The following KCNC2 variants were observed in gnomAD, a reference collection of about 807,000 sequenced individuals.
KCNC2 encodes the protein potassium voltage-gated channel subfamily C member 2, also known as voltage-gated potassium channel KCNC2.
KCNC2 carries 21 observed loss-of-function variants against 44.5 expected under a neutral mutation model. The ratio of observed to expected loss-of-function variants is 0.47; its 90% CI spans 0.33 to 0.68. The LOEUF (loss-of-function observed/expected upper bound fraction) is 0.68, where lower values mean the gene tolerates loss of function less well. Ranked by LOEUF, KCNC2 falls within the 30% of genes least tolerant of loss-of-function variation. KCNC2 has a pLI of 0.01. For synonymous variants in KCNC2, 391 were observed against 339.1 expected (o/e 1.15, Z -1.68); for missense variants, 589 against 826.2 (o/e 0.71, Z 3.52).
At chr12:75,183,887 A>G (rs56342118) in intron 2 of KCNC2, among the ~76,000 whole-genome samples, 11,798 of 152,124 alleles carry the variant, frequency 0.078, 535 homozygotes, top group Admixed American at 0.14. Context: ...CCAACTTGCC[A>G]CTTCTCTTTC....
At chr12:75,054,086 G>C (rs1881478522) in intron 2 of KCNC2, among the ~76,000 whole-genome samples, 1 of 151,662 alleles carries the variant, frequency 6.6e-6, no homozygotes, top group African/African-American at 2.4e-5. Context: ...AGCTGGACAT[G>C]GTGGCACATG....
intron 2 of KCNC2, among the ~76,000 whole-genome samples, chr12:75,100,903 T>C (rs1467407410): frequency 1.3e-5 from 2 of 152,146 alleles, no homozygotes; most frequent in Non-Finnish European, 2.9e-5. Context: ...ATCTTCACAT[T>C]CTGATTTATT....
intron 2 of KCNC2, among the ~76,000 whole-genome samples, chr12:75,101,583 G>T (rs1473189034): frequency 6.6e-6 from 1 of 152,024 alleles, no homozygotes; most frequent in South Asian, 2.1e-4. Flanking sequence ...AACTTGGCTG[G>T]TCCCTCAGAT....
intron 2 of KCNC2, among the ~76,000 whole-genome samples, chr12:75,104,192 C>T (rs1039643361): frequency 6.6e-5 from 10 of 150,756 alleles, no homozygotes; most frequent in African/African-American, 1.5e-4. Flanking sequence ...TGCATGATCC[C>T]GGATCATCGA....
intron 2 of KCNC2, among the ~76,000 whole-genome samples, chr12:75,166,444 TA>T (rs139018178): frequency 1.8e-3 from 253 of 140,428 alleles, no homozygotes; most frequent in East Asian, 0.014. Context: ...TCGAATGATC[TA>T]AAAAAAAAAA....
At chr12:75,138,388 T>A (rs952340723) in intron 2 of KCNC2, among the ~76,000 whole-genome samples, 2 of 152,198 alleles carry the variant, frequency 1.3e-5, no homozygotes, top group Non-Finnish European at 2.9e-5. Flanking sequence ...CAAGTAGACC[T>A]GAGGTTACAA....
In KCNC2 at chr12:75,042,908, T is replaced by C. The variant is rs1880072372; in HGVS notation, c.*197A>G. On this transcript the variant is annotated 3_prime_UTR_variant, in exon 5 of 5. Coordinates refer to ENST00000549446, the MANE Select transcript of KCNC2 (RefSeq NM_139137.4). ...TAATAGGAGGGATCTTAGCACTACTTTAGACAATCTTTAAAGCCTGGGTAA... is the reference window on the plus strand; with the variant it reads ...TAATAGGAGGGATCTTAGCACTACTCTAGACAATCTTTAAAGCCTGGGTAA... 7.2e-7 allele frequency: 1 copy of C among 1,389,822 alleles called. No homozygotes were observed. The highest frequency in any genetic ancestry group is 3.1e-5 in the Admixed American group (1 of 32,056). 86.1% of individuals were successfully genotyped at this position (1,389,822 alleles called of 1,614,324 possible).
At chr12:75,084,269 T>TGAGA (rs1555207730) in intron 2 of KCNC2, among the ~76,000 whole-genome samples, 1 of 120,862 alleles carries the variant, frequency 8.3e-6, no homozygotes, top group Non-Finnish European at 1.7e-5. Context: ...GATAGATAGA[T>TGAGA]TAGATAGATA....
rs146838218 is a variant in KCNC2, at chr12:75,088,905, G to A, written c.688-37588C>T. On this transcript the variant is annotated intron_variant, in intron 2 of 4. Coordinates refer to ENST00000549446, the MANE Select transcript of KCNC2 (RefSeq NM_139137.4). ...ACAGTGCTGAATCACAAATCCAAAT[G>A]CATCTTAAACAGAGGTTCTTGCTTT... is the stretch of plus-strand genomic sequence containing the variant. Among the ~76,000 whole-genome samples, 696 of 151,858 alleles carry A rather than the reference G, an allele frequency of 4.6e-3. 3 individuals carry two copies. The highest frequency in any genetic ancestry group is 8.4e-3 in the Non-Finnish European group (572 of 67,818).
chr12:75,080,369 T>C (rs10785172), intron 2 of KCNC2, among the ~76,000 whole-genome samples: 135,410 of 151,660 alleles, frequency 0.89, 60,492 homozygotes, highest in Admixed American at 0.92. Context: ...GTGCATAAGC[T>C]CCTCCAGAAG....
chr12:75,132,440 G>T (rs1325344846), intron 2 of KCNC2, among the ~76,000 whole-genome samples: 1 of 152,072 alleles, frequency 6.6e-6, no homozygotes, highest in Non-Finnish European at 1.5e-5. Flanking sequence ...TGAGGCCATG[G>T]GTTTATGGAT....
chr12:75,201,768 G>A (rs1172259023), intron 2 of KCNC2, among the ~76,000 whole-genome samples: 1 of 151,838 alleles, frequency 6.6e-6, no homozygotes, highest in Non-Finnish European at 1.5e-5. Context: ...TGTCTTAAAA[G>A]AATATTTTGA....
intron 2 of KCNC2, among the ~76,000 whole-genome samples, chr12:75,174,135 CT>C (rs35149276): frequency 5.4e-5 from 8 of 149,370 alleles, no homozygotes; most frequent in Middle Eastern, 3.5e-3. Flanking sequence ...ACAGTTCTAA[CT>C]TTTTTTTTTC....
chr12:75,048,494 G>T (rs1485991270), intron 3 of KCNC2, among the ~76,000 whole-genome samples, 177 bp from the exon 4 acceptor site: 1 of 152,018 alleles, frequency 6.6e-6, no homozygotes, highest in Non-Finnish European at 1.5e-5. Context: ...GGAGCAAAAT[G>T]GAAATGTATT....
chr12:75,097,721 G>A (rs973863548), intron 2 of KCNC2, among the ~76,000 whole-genome samples: 1 of 152,040 alleles, frequency 6.6e-6, no homozygotes, highest in African/African-American at 2.4e-5. Context: ...TTAAGAGCAA[G>A]GACTTTGAAG....
intron 2 of KCNC2, among the ~76,000 whole-genome samples, chr12:75,138,689 C>T (rs1451457418): frequency 6.6e-6 from 1 of 151,862 alleles, no homozygotes; most frequent in South Asian, 2.1e-4. Context: ...TATAAGAAAA[C>T]GGGATTCCGG....
intron 2 of KCNC2, among the ~76,000 whole-genome samples, chr12:75,097,790 A>G (rs1452511279): frequency 6.6e-6 from 1 of 150,624 alleles, no homozygotes; most frequent in Non-Finnish European, 1.5e-5. Context: ...TGACTTTGGG[A>G]AAAAAAATTA....
intron 2 of KCNC2, among the ~76,000 whole-genome samples, chr12:75,109,786 G>A (rs77917717): frequency 0.16 from 24,485 of 151,972 alleles, 2,067 homozygotes; most frequent in Middle Eastern, 0.24. Flanking sequence ...ACCCAGAACT[G>A]AAGGCTTTTA....
At chr12:75,059,370 T>C (rs531834520) in intron 2 of KCNC2, among the ~76,000 whole-genome samples, 77 of 152,236 alleles carry the variant, frequency 5.1e-4, no homozygotes, top group African/African-American at 1.9e-3. Context: ...CTTGCCTTTT[T>C]CACTCTCATT....
Sources: allele counts gnomAD v4.1 joint callset (sites outside exome capture counted in the v4.1 genomes callset), GRCh38; gene constraint gnomAD v4.1.1; transcripts MANE v1.5; gene names NCBI Gene and HGNC (gene_info 2026-07-23, HGNC 2026-07-21).